The following DDX31 variants were observed in gnomAD, a reference collection of about 807,000 sequenced individuals.
The protein encoded by DDX31 is ATP-dependent DNA helicase DDX31.
Under a neutral mutation model 91.3 loss-of-function variants are expected in DDX31, and 70 were observed. That is an observed-to-expected ratio of 0.77 (90% confidence interval 0.63 to 0.94). The LOEUF (loss-of-function observed/expected upper bound fraction) is 0.94, where lower values mean the gene tolerates loss of function less well. Among genes scored for constraint, DDX31 ranks in the 40% least tolerant of loss-of-function variants. The pLI, the probability that DDX31 is intolerant of heterozygous loss-of-function variation, is 0.00. For synonymous variants in DDX31, 362 were observed against 350.6 expected (o/e 1.03, Z -0.36); for missense variants, 902 against 925.0 (o/e 0.98, Z 0.32).
chr9:132,638,146 G>C lies in DDX31; in HGVS notation c.1440+3858C>G. ...CAGTTGGCGCCCAGGGCGGGCTGCA[G>C]GTATCTTTCCTTTCTGGGAAAAAGG... On this transcript the variant is annotated intron_variant, in intron 14 of 19. Transcript: ENST00000372159. 5 of 1,386,708 alleles carry C rather than the reference G, an allele frequency of 3.6e-6. No individual in the cohort carries two copies. The South Asian group carries it at 8.5e-5, about 24-fold the overall frequency. 85.9% of individuals were successfully genotyped at this position (1,386,708 alleles called of 1,614,324 possible). A position where few individuals can be genotyped will look rare whatever the true frequency, so the allele number is the denominator to read the frequency against.
At chr9:132,612,319 C>T (rs766723368) in intron 18 of DDX31, 64 bp from the exon 19 acceptor site, 15 of 1,589,594 alleles carry the variant, frequency 9.4e-6, no homozygotes, top group South Asian at 5.6e-5. Flanking sequence ...CCAAAGTGCC[C>T]GGCCTAATGG....
intron 8 of DDX31, among the ~76,000 whole-genome samples, chr9:132,650,775 A>G (rs1460900748): frequency 2.0e-5 from 3 of 152,190 alleles, no homozygotes; most frequent in Admixed American, 6.5e-5. Context: ...CTTGCAGCTA[A>G]GTTGCTTTCT....
At chr9:132,620,000 C>T (rs1831913306) in intron 17 of DDX31, among the ~76,000 whole-genome samples, 1 of 151,304 alleles carries the variant, frequency 6.6e-6, no homozygotes, top group Non-Finnish European at 1.5e-5. Flanking sequence ...TCCTCTTTTT[C>T]TTGTGTTTTA....
At position 132,650,291 on chromosome 9, in the gene DDX31, G is replaced by C; in HGVS notation, c.683C>G (p.Thr228Ser). The C allele has an allele frequency of 6.2e-7, 1 of 1,614,114 alleles. No individual in the cohort carries two copies. The highest frequency in any genetic ancestry group is 8.5e-7 in the Non-Finnish European group (1 of 1,179,992). The change falls in exon 9 of 20, where the codon ACC becomes AGC. Residue 228 changes from threonine to serine, a missense_variant. Thr to Ser is a moderately conservative substitution (Grantham distance 58, BLOSUM62 1). Coordinates refer to ENST00000372159, the MANE Select transcript of DDX31 (RefSeq NM_022779.9). ...DTVQKLLKPFTWIVPGVLMGG... is the reference protein window; with the variant it reads ...DTVQKLLKPFSWIVPGVLMGG... ...CATTAACACTCCAGGCACAATCCAG[G>C]TGAAAGGCTACAGAAAGACAGCAGA...
At chr9:132,624,557 A>G (rs185257288) in intron 17 of DDX31, among the ~76,000 whole-genome samples, 1 of 152,328 alleles carries the variant, frequency 6.6e-6, no homozygotes, top group Non-Finnish European at 1.5e-5. Context: ...TGAAGTTAAG[A>G]CTTCAAATCC....
chr9:132,646,939 C>A lies in DDX31; in HGVS notation c.1087G>T (p.Ala363Ser). Residue 363 changes from alanine (A) to serine (S), a missense_variant, in exon 12 of 20, where the codon GCT becomes TCT. By Grantham distance (99) the Ala-to-Ser change is moderately conservative. Transcript: ENST00000372159. ...GCAAAGCTGTCCAGCTTGTCGCCAG[C>A]TGGTGGAGGACAGACCTCCTGGACC... Reference protein sequence around the residue: ...KAVQEVCPPPAGDKLDSFAIP... With the variant: ...KAVQEVCPPPSGDKLDSFAIP... 6.2e-7 allele frequency: 1 copy of A among 1,614,236 alleles called. No individual in the cohort carries two copies. The highest frequency in any genetic ancestry group is 2.2e-5 in the East Asian group (1 of 44,874).
intron 1 of DDX31, chr9:132,669,611 T>C (rs929478508): frequency 1.3e-6 from 2 of 1,522,014 alleles, no homozygotes; most frequent in African/African-American, 1.4e-5. Context: ...TTTACTTTTC[T>C]AGGCGCAGGA....
intron 19 of DDX31, among the ~76,000 whole-genome samples, chr9:132,608,159 G>A (rs897811602): frequency 6.6e-6 from 1 of 152,184 alleles, no homozygotes; most frequent in Admixed American, 6.5e-5. Context: ...TTTCGTGATG[G>A]ATGTTGCTAA....
At chr9:132,626,119 T>C (rs866098716) in intron 16 of DDX31, among the ~76,000 whole-genome samples, 48 of 150,496 alleles carry the variant, frequency 3.2e-4, no homozygotes, top group African/African-American at 1.2e-3. Context: ...TTTTGGTCTC[T>C]TTAGTTTATA....
At chr9:132,624,582 C>CA (rs1832276198) in intron 17 of DDX31, among the ~76,000 whole-genome samples, 1 of 152,186 alleles carries the variant, frequency 6.6e-6, no homozygotes, top group African/African-American at 2.4e-5. Context: ...ATGACTAAAG[C>CA]ATATTAGTGT....
At position 132,648,668 on chromosome 9, in the gene DDX31, A is replaced by G. The variant is rs1833989324; in HGVS notation, c.741-117T>C. On this transcript the variant is annotated intron_variant, in intron 9 of 19. Coordinates refer to ENST00000372159, the MANE Select transcript of DDX31 (RefSeq NM_022779.9). ...TTCATGTACAGTGCAAACGTGCCAT[A>G]GCCTGAAATCATGACAAAACATAAA... 11 of 1,245,526 alleles carry G rather than the reference A, an allele frequency of 8.8e-6. No individual in the cohort carries two copies. The South Asian group carries it at 1.8e-4, about 21-fold the overall frequency. The allele number at this position is 1,245,526 out of a possible 1,614,324, so 77.2% of individuals were successfully genotyped here. A position where few individuals can be genotyped will look rare whatever the true frequency, so the allele number is the denominator to read the frequency against.
chr9:132,601,812 C>A (rs555662839), intron 19 of DDX31, among the ~76,000 whole-genome samples: 1 of 152,322 alleles, frequency 6.6e-6, no homozygotes, highest in South Asian at 2.1e-4. Context: ...CAACCTCATA[C>A]AGGCTGTAGA....
intron 16 of DDX31, among the ~76,000 whole-genome samples, chr9:132,627,000 T>C (rs1167053781): frequency 6.6e-6 from 1 of 152,142 alleles, no homozygotes; most frequent in Non-Finnish European, 1.5e-5. Context: ...TGCATGGGTA[T>C]TGAACTCGCC....
In DDX31 at chr9:132,661,259, A is replaced by C. The variant is rs1834922882; in HGVS notation, c.409-8T>G. 6.3e-7 allele frequency: 1 copy of C among 1,589,714 alleles called. No individual in the cohort carries two copies. The highest frequency in any genetic ancestry group is 8.6e-7 in the Non-Finnish European group (1 of 1,165,502). On this transcript the variant is annotated splice_polypyrimidine_tract_variant and splice_region_variant and intron_variant, in intron 3 of 19. Transcript: ENST00000372159. ...CGTATTTATTGTGGAAATCTAAAAG[A>C]GGAGATGAAAAAGCTTTAATTAATA... is the stretch of plus-strand genomic sequence containing the variant.
chr9:132,630,266 G>T lies in DDX31; in HGVS notation c.1629C>A (p.Ile543=). 6.3e-7 allele frequency: 1 copy of T among 1,575,004 alleles called. No homozygotes were observed. Among genetic ancestry groups the T allele is most frequent in the South Asian group, 1.1e-5 (1 of 88,264 alleles). Residue 543 remains isoleucine, a splice_region_variant and synonymous_variant, in exon 16 of 20, where the codon ATC becomes ATA. Coordinates refer to ENST00000372159, the MANE Select transcript of DDX31 (RefSeq NM_022779.9). ...CCCCATTCAGGTTTCTGACTCACTT[G>T]ATTTTGTGAGAAGCCAACGAGTTGA... The part of the protein sequence containing the change: ...EYVNSLASHK[I]NVSEIKMEDI...
rs746745174 is a variant in DDX31, at chr9:132,632,098, C to T, written c.1441-7G>A. On this transcript the variant is annotated splice_region_variant and splice_polypyrimidine_tract_variant and intron_variant, in intron 14 of 19. Coordinates refer to ENST00000372159, the MANE Select transcript of DDX31 (RefSeq NM_022779.9). ...AGCCCCGAGCTGCAACATCCTTTAA[C>T]AAAGAAAAGAATATGGTTTAACACT... 23 of 1,612,066 alleles carry T rather than the reference C, an allele frequency of 1.4e-5. No individual in the cohort carries two copies. Among genetic ancestry groups the T allele is most frequent in the Non-Finnish European group, 2.0e-5 (23 of 1,178,914 alleles).
Position 132,648,384 on chromosome 9 carries a change from G to T in DDX31, c.860+48C>A, listed in dbSNP as rs75888198. 4,026 of 1,607,822 alleles carry T rather than the reference G, an allele frequency of 2.5e-3. 93 individuals are homozygous for T. In the African/African-American group the frequency reaches 0.047, roughly 19 times the overall value. On this transcript the variant is annotated intron_variant, in intron 10 of 19. Coordinates refer to ENST00000372159, the MANE Select transcript of DDX31 (RefSeq NM_022779.9). ...TACAGAAGTTGCAACAAGGAGAGGA[G>T]AAACAGCCCTTCTCTTCTACCTGTT...
rs1184348028 is a variant in DDX31, at chr9:132,653,885, CA to C, written c.589-1394del. Among the ~76,000 whole-genome samples, 10 of 150,840 alleles carry C rather than the reference CA, an allele frequency of 6.6e-5. No individual in the cohort carries two copies. The Admixed American group carries it at 6.6e-4, about 10-fold the overall frequency. On this transcript the variant is annotated intron_variant, in intron 6 of 19. Coordinates refer to ENST00000372159, the MANE Select transcript of DDX31 (RefSeq NM_022779.9). Reference sequence around the variant, plus strand: ...TAACCAAGACATTTATGAAAAACATCAGATGTTAAAATAATTTAAAGCTACA... The same window carrying C: ...TAACCAAGACATTTATGAAAAACATCGATGTTAAAATAATTTAAAGCTACA...
chr9:132,623,551 C>CAAAAAAAAAAAAAAAAAAAAAAAAAAAA (rs34868804), intron 17 of DDX31, among the ~76,000 whole-genome samples: 1 of 66,762 alleles, frequency 1.5e-5, no homozygotes, highest in Non-Finnish European at 2.8e-5. Context: ...GACTCCATCT[C>CAAAAAAAAAAAAAAAAAAAAAAAAAAAA]AAAAAAAAAA....
Sources: allele counts gnomAD v4.1 joint callset (sites outside exome capture counted in the v4.1 genomes callset), GRCh38; gene constraint gnomAD v4.1.1; transcripts MANE v1.5; gene names NCBI Gene and HGNC (gene_info 2026-07-23, HGNC 2026-07-21).